GCSAML: variants seen among roughly 807,000 people sequenced by gnomAD.
The protein encoded by GCSAML is germinal center-associated signaling and motility-like protein.
In GCSAML, 9 loss-of-function variants were observed where a neutral mutation model predicts 13.0. The observed-to-expected ratio is 0.69, with a 90% CI of 0.42 to 1.21. The LOEUF (loss-of-function observed/expected upper bound fraction) is 1.21, where lower values mean the gene tolerates loss of function less well. Among genes scored for constraint, GCSAML ranks in the 50% most tolerant of loss-of-function variants. The pLI, the probability that GCSAML is intolerant of heterozygous loss-of-function variation, is 0.00. For missense variants in GCSAML, 143 were observed against 153.4 expected (o/e 0.93, Z 0.36); for synonymous variants, 37 against 52.9 (o/e 0.70, Z 1.31).
At chr1:247,509,065 T>TTA in intron 1 of GCSAML, among the ~76,000 whole-genome samples, 1 of 152,166 alleles carries the variant, frequency 6.6e-6, no homozygotes, top group South Asian at 2.1e-4. Context: ...TTAATGGGAA[T>TTA]AGCATTGAAT....
At chr1:247,513,612 G>A (rs1404562991) in intron 1 of GCSAML, among the ~76,000 whole-genome samples, 4 of 152,240 alleles carry the variant, frequency 2.6e-5, no homozygotes, top group Admixed American at 6.5e-5. Flanking sequence ...CCAGTTTTGT[G>A]CCTGAAACCC....
At chr1:247,558,551 A>AACCC (rs1668027082) in intron 2 of GCSAML, among the ~76,000 whole-genome samples, 1 of 152,074 alleles carries the variant, frequency 6.6e-6, no homozygotes, top group Non-Finnish European at 1.5e-5. Flanking sequence ...CCTGGCAACC[A>AACCC]CTGATCTGAT....
upstream of GCSAML, among the ~76,000 whole-genome samples, chr1:247,546,156 C>T (rs1417429078): frequency 2.0e-5 from 3 of 151,752 alleles, no homozygotes; most frequent in East Asian, 5.8e-4. Flanking sequence ...TTTGTTTGTT[C>T]GTTTTGTTTT....
chr1:247,549,106 C>T (rs766183788), upstream of GCSAML: 6 of 1,613,448 alleles, frequency 3.7e-6, no homozygotes, highest in Non-Finnish European at 5.1e-6. Flanking sequence ...CGTCCTGCCT[C>T]ATGCATTTTC....
intron 2 of GCSAML, among the ~76,000 whole-genome samples, chr1:247,540,114 T>C (rs1294922601): frequency 6.6e-6 from 1 of 152,192 alleles, no homozygotes; most frequent in Non-Finnish European, 1.5e-5. Flanking sequence ...CACTGTTGCC[T>C]GGGCTGAAGT....
intron 2 of GCSAML, among the ~76,000 whole-genome samples, chr1:247,560,522 C>T (rs978520851): frequency 3.9e-5 from 6 of 152,064 alleles, no homozygotes; most frequent in Admixed American, 2.0e-4. Flanking sequence ...AGTTTGAAAA[C>T]TCATTATTTG....
At chr1:247,560,193 C>T (rs769325176) in intron 2 of GCSAML, among the ~76,000 whole-genome samples, 2 of 152,256 alleles carry the variant, frequency 1.3e-5, no homozygotes, top group Non-Finnish European at 2.9e-5. Context: ...GCTGGAGCCT[C>T]GGAACGACAG....
At chr1:247,571,465 G>C (rs1461122905) in intron 4 of GCSAML, among the ~76,000 whole-genome samples, 1 of 152,074 alleles carries the variant, frequency 6.6e-6, no homozygotes, top group African/African-American at 2.4e-5. Flanking sequence ...ATGAAGCTTA[G>C]TTTAGCTAGA....
At chr1:247,546,978 C>A (rs1021942816), upstream of GCSAML, among the ~76,000 whole-genome samples, 17 of 150,334 alleles carry the variant, frequency 1.1e-4, no homozygotes, top group African/African-American at 4.2e-4. Context: ...TGGCACACAC[C>A]TGTGTTCCCA....
At position 247,557,427 on chromosome 1, in the gene GCSAML, A is replaced by G. The variant is rs143332619; in HGVS notation, c.89+961A>G. 3.0e-3 allele frequency among the ~76,000 whole-genome samples: 458 copies of G among 152,370 alleles called. 3 individuals carry two copies. Among genetic ancestry groups the G allele is most frequent in the Non-Finnish European group, 4.5e-3 (307 of 68,038 alleles). On this transcript the variant is annotated intron_variant, in intron 2 of 4. Coordinates refer to ENST00000366488, the MANE Select transcript of GCSAML (RefSeq NM_145278.5). ...ATATCTTGCCTCAGCTTAGATGAAC[A>G]GAAACACCCTGCCTTGTTGGTTAAC...
intron 1 of GCSAML, among the ~76,000 whole-genome samples, chr1:247,512,581 G>A (rs1006752705): frequency 6.6e-6 from 1 of 152,086 alleles, no homozygotes; most frequent in African/African-American, 2.4e-5. Context: ...CTTTGGAGGA[G>A]AAGAGGCGTT....
upstream of GCSAML, among the ~76,000 whole-genome samples, chr1:247,544,875 A>G (rs10925080): frequency 0.034 from 5,198 of 152,236 alleles, 287 homozygotes; most frequent in African/African-American, 0.12. Context: ...AAACAAAACA[A>G]AAACAAAAAA....
chr1:247,543,550 C>T (rs2103025136), intron 2 of GCSAML, among the ~76,000 whole-genome samples: 1 of 152,090 alleles, frequency 6.6e-6, no homozygotes, highest in South Asian at 2.1e-4. Flanking sequence ...AGGCGGAACA[C>T]TGTATTATAG....
chr1:247,517,875 A>G (rs910179481), intron 1 of GCSAML, among the ~76,000 whole-genome samples: 1 of 152,156 alleles, frequency 6.6e-6, no homozygotes, highest in African/African-American at 2.4e-5. Context: ...TGGAGGGTCA[A>G]TGAGAGCTCG....
At chr1:247,508,251 T>A (rs917716194) in intron 1 of GCSAML, among the ~76,000 whole-genome samples, 1 of 152,252 alleles carries the variant, frequency 6.6e-6, no homozygotes, top group Non-Finnish European at 1.5e-5. Flanking sequence ...TGATTTGCAT[T>A]TCTCTAATGA....
intron 2 of GCSAML, among the ~76,000 whole-genome samples, chr1:247,535,026 G>A (rs1667159596): frequency 6.6e-6 from 1 of 152,140 alleles, no homozygotes; most frequent in Non-Finnish European, 1.5e-5. Context: ...AAATCAGGGA[G>A]GCAAGCCGGG....
At chr1:247,521,305 T>A (rs10925070) in intron 1 of GCSAML, among the ~76,000 whole-genome samples, 1 of 148,668 alleles carries the variant, frequency 6.7e-6, no homozygotes, top group East Asian at 2.0e-4. Flanking sequence ...AAAAACATAA[T>A]GTCTCCCTCT....
intron 1 of GCSAML, among the ~76,000 whole-genome samples, chr1:247,554,196 AT>A (rs1386782184): frequency 6.6e-6 from 1 of 151,990 alleles, no homozygotes; most frequent in Non-Finnish European, 1.5e-5. Context: ...TGTAAGCTGG[AT>A]TTTTTTGTTA....
chr1:247,540,421 G>A (rs890273097), intron 2 of GCSAML, among the ~76,000 whole-genome samples: 2 of 152,162 alleles, frequency 1.3e-5, no homozygotes, highest in African/African-American at 4.8e-5. Flanking sequence ...GTGTTACTTC[G>A]AATTGTCAAA....
Sources: gnomAD v4.1 joint callset for allele counts (sites outside exome capture counted in the v4.1 genomes callset) on GRCh38, gnomAD v4.1.1 for gene constraint, MANE v1.5 for transcripts, NCBI Gene and HGNC (gene_info 2026-07-23, HGNC 2026-07-21) for gene names.